CCDC85A: variants seen among roughly 807,000 people sequenced by gnomAD.
CCDC85A encodes the protein coiled-coil domain-containing protein 85A.
CCDC85A carries 38 observed loss-of-function variants against 50.2 expected under a neutral mutation model. The observed-to-expected ratio is 0.76, with a 90% CI of 0.58 to 0.99. CCDC85A has a LOEUF of 0.99. Ranked by LOEUF, CCDC85A falls within the 50% of genes least tolerant of loss-of-function variation. The pLI is 0.00. For missense variants in CCDC85A, 820 were observed against 742.0 expected (o/e 1.11, Z -1.22); for synonymous variants, 366 against 301.4 (o/e 1.21, Z -2.22).
At position 56,218,434 on chromosome 2, in the gene CCDC85A, C is replaced by A. The variant is rs561319669; in HGVS notation, c.1240+24994C>A. ...ATGAAAACACCATCTTCCAGCCACA[C>A]AAACATAACCATTGTTAGTAGCCTA... On this transcript the variant is annotated intron_variant, in intron 2 of 5. Coordinates refer to ENST00000407595, the MANE Select transcript of CCDC85A (RefSeq NM_001080433.2). Among the ~76,000 whole-genome samples, 33 of 151,934 alleles carry A rather than the reference C, an allele frequency of 2.2e-4. 1 individual carries two copies. The highest frequency in any genetic ancestry group is 7.9e-4 in the African/African-American group (33 of 41,514).
intron 2 of CCDC85A, among the ~76,000 whole-genome samples, chr2:56,200,106 A>T (rs1676674193): frequency 6.6e-6 from 1 of 152,168 alleles, no homozygotes; most frequent in South Asian, 2.1e-4. Flanking sequence ...GGACCTGCTG[A>T]TCTACCTGCC....
chr2:56,293,542 A>C (rs1485800929), intron 2 of CCDC85A, among the ~76,000 whole-genome samples: 1 of 152,204 alleles, frequency 6.6e-6, no homozygotes, highest in Admixed American at 6.5e-5. Context: ...TGAACAGGCA[A>C]CCTACAGAAT....
At chr2:56,277,141 T>A (rs1196133199) in intron 2 of CCDC85A, among the ~76,000 whole-genome samples, 1 of 152,178 alleles carries the variant, frequency 6.6e-6, no homozygotes, top group Non-Finnish European at 1.5e-5. Flanking sequence ...GCAGCTTAAA[T>A]GAGGAAGCTG....
chr2:56,338,493 C>T (rs1189931267), intron 2 of CCDC85A, among the ~76,000 whole-genome samples: 1 of 152,128 alleles, frequency 6.6e-6, no homozygotes, highest in Non-Finnish European at 1.5e-5. Context: ...TTCTTCTCTT[C>T]CTCTCACCAT....
At chr2:56,354,965 C>T (rs2104353451) in intron 3 of CCDC85A, among the ~76,000 whole-genome samples, 1 of 152,284 alleles carries the variant, frequency 6.6e-6, no homozygotes, top group East Asian at 1.9e-4. Context: ...AAATTGGGAT[C>T]ACAGAAATGA....
intron 2 of CCDC85A, among the ~76,000 whole-genome samples, chr2:56,262,046 T>G (rs1414265006): frequency 6.6e-6 from 1 of 152,206 alleles, no homozygotes; most frequent in Non-Finnish European, 1.5e-5. Flanking sequence ...TAGGATGTGT[T>G]ATAGGGCTTT....
In CCDC85A at chr2:56,184,160, G is replaced by A. The variant is rs1675885484; in HGVS notation, c.-465G>A. On this transcript the variant is annotated 5_prime_UTR_variant, in exon 1 of 6. Transcript: ENST00000407595. Reference sequence around the variant, plus strand: ...CCGGCGCGCCCTCCAAGCTAGGAGAGGGGAGAAGCCGGGGGCTGCAGCTGG... The same window carrying A: ...CCGGCGCGCCCTCCAAGCTAGGAGAAGGGAGAAGCCGGGGGCTGCAGCTGG... 4 of 986,518 alleles carry A rather than the reference G, an allele frequency of 4.1e-6. No individual in the cohort carries two copies. The highest frequency in any genetic ancestry group is 4.8e-6 in the Non-Finnish European group (4 of 830,854). 61.1% of individuals were successfully genotyped at this position (986,518 alleles called of 1,614,324 possible).
At chr2:56,376,849 A>G (rs1309472625) in intron 5 of CCDC85A, among the ~76,000 whole-genome samples, 1 of 152,204 alleles carries the variant, frequency 6.6e-6, no homozygotes, top group Non-Finnish European at 1.5e-5. Flanking sequence ...TGCTTTTACC[A>G]TGTGAGTTTC....
At chr2:56,281,997 A>G (rs1279275525) in intron 2 of CCDC85A, among the ~76,000 whole-genome samples, 1 of 152,186 alleles carries the variant, frequency 6.6e-6, no homozygotes, top group Non-Finnish European at 1.5e-5. Context: ...AAATCTTTGC[A>G]TACTCTAAGA....
At chr2:56,310,950 T>C (rs756637188) in intron 2 of CCDC85A, among the ~76,000 whole-genome samples, 7 of 152,212 alleles carry the variant, frequency 4.6e-5, no homozygotes, top group Admixed American at 3.9e-4. Flanking sequence ...CAAGGAACTC[T>C]TAGTCCTTGC....
At chr2:56,237,574 G>A (rs1206060683) in intron 2 of CCDC85A, among the ~76,000 whole-genome samples, 1 of 152,188 alleles carries the variant, frequency 6.6e-6, no homozygotes, top group South Asian at 2.1e-4. Flanking sequence ...GTTAAAAGAA[G>A]TACTTTATCG....
intron 2 of CCDC85A, among the ~76,000 whole-genome samples, chr2:56,300,675 C>G (rs1024459435): frequency 6.6e-6 from 1 of 152,206 alleles, no homozygotes. Flanking sequence ...TTATACCCTT[C>G]CTTTATTTTT....
At chr2:56,278,116 C>T (rs115506101) in intron 2 of CCDC85A, among the ~76,000 whole-genome samples, 2,074 of 152,182 alleles carry the variant, frequency 0.014, 59 homozygotes, top group African/African-American at 0.047. Context: ...AGGTGGCTGT[C>T]GGTATAGAAG....
Position 56,192,942 on chromosome 2 carries a change from C to T in CCDC85A, c.742C>T (p.His248Tyr), listed in dbSNP as rs1168327134. ...GCCCCGGAGCGAGGGCAGCCCGGAG[C>T]ACTCCAAGCACAGGAGCGCCAGCCC... is the stretch of plus-strand genomic sequence containing the variant. Reference protein sequence around the residue: ...QKPRSEGSPEHSKHRSASPEH... With the variant: ...QKPRSEGSPEYSKHRSASPEH... The change falls in exon 2 of 6, where the codon CAC (histidine) becomes TAC (tyrosine). Residue 248 changes from histidine (H) to tyrosine (Y), a missense_variant. Physicochemically the swap from His to Tyr is moderately conservative, Grantham distance 83. Coordinates refer to ENST00000407595, the MANE Select transcript of CCDC85A (RefSeq NM_001080433.2). The surrounding 1 kb of genome is among the most constrained non-coding windows in gnomAD (Gnocchi z 4.7). 3 of 1,613,314 alleles carry T rather than the reference C, an allele frequency of 1.9e-6. No homozygotes were observed. The highest frequency in any genetic ancestry group is 2.5e-6 in the Non-Finnish European group (3 of 1,179,728).
chr2:56,375,415 T>A lies in CCDC85A; in HGVS notation c.1453-401T>A, dbSNP rs1254510734. On this transcript the variant is annotated intron_variant, in intron 4 of 5. Transcript: ENST00000407595. Reference sequence around the variant, plus strand: ...AGACACAGTTTCTCCAACACAAGAATGTGATGTGTCTGCATATTCTGAGAC... The same window carrying A: ...AGACACAGTTTCTCCAACACAAGAAAGTGATGTGTCTGCATATTCTGAGAC... Among the ~76,000 whole-genome samples the A allele has an allele frequency of 2.0e-5, 3 of 152,332 alleles. No individual in the cohort carries two copies. In the East Asian group the frequency reaches 5.8e-4, roughly 29 times the overall value.
intron 3 of CCDC85A, among the ~76,000 whole-genome samples, chr2:56,349,162 T>G (rs1264416128): frequency 1.3e-5 from 2 of 152,090 alleles, no homozygotes; most frequent in Non-Finnish European, 2.9e-5. Context: ...ATCTGGATGT[T>G]ACTGATTGGA....
intron 2 of CCDC85A, among the ~76,000 whole-genome samples, chr2:56,270,367 A>C (rs992553239): frequency 6.6e-6 from 1 of 152,234 alleles, no homozygotes; most frequent in Non-Finnish European, 1.5e-5. Flanking sequence ...AATCCTGGAT[A>C]GTCAGTCATG....
At chr2:56,336,608 A>G (rs552470124) in intron 2 of CCDC85A, among the ~76,000 whole-genome samples, 3 of 152,354 alleles carry the variant, frequency 2.0e-5, no homozygotes, top group South Asian at 2.1e-4. Context: ...GCAAATACCA[A>G]TAATAAACCT....
At chr2:56,250,627 T>A (rs1012203520) in intron 2 of CCDC85A, among the ~76,000 whole-genome samples, 17 of 152,132 alleles carry the variant, frequency 1.1e-4, no homozygotes, top group African/African-American at 4.1e-4. Flanking sequence ...TGGCAATTTC[T>A]CTCCTGAGTT....
Sources: gnomAD v4.1 joint callset for allele counts (sites outside exome capture counted in the v4.1 genomes callset) on GRCh38, gnomAD v4.1.1 for gene constraint, Gnocchi (gnomAD v3.1) non-coding constraint, MANE v1.5 for transcripts, NCBI Gene and HGNC (gene_info 2026-07-23, HGNC 2026-07-21) for gene names.